Variants in SLC7A11 observed in about 807,000 individuals in gnomAD.
The protein encoded by SLC7A11 is solute carrier family 7 member 11.
A neutral mutation model predicts 54.5 loss-of-function variants in SLC7A11; 35 were observed. That is an observed-to-expected ratio of 0.64 (90% CI 0.49 to 0.85). SLC7A11 has a LOEUF of 0.85. Ranked by LOEUF, SLC7A11 falls within the 40% of genes least tolerant of loss-of-function variation. The pLI, the probability that SLC7A11 is intolerant of heterozygous loss-of-function variation, is 0.00. For missense variants in SLC7A11, 583 were observed against 618.1 expected (o/e 0.94, Z 0.60); for synonymous variants, 230 against 225.2 (o/e 1.02, Z -0.19).
At chr4:138,194,509 G>A (rs190246371) in intron 6 of SLC7A11, among the ~76,000 whole-genome samples, 36 of 152,158 alleles carry the variant, frequency 2.4e-4, no homozygotes, top group African/African-American at 7.9e-4. Flanking sequence ...GGGACTCTCT[G>A]CCCAAGGGAA....
Position 138,212,506 on chromosome 4 carries a change from GA to G in SLC7A11, c.791+2078del, listed in dbSNP as rs1161409113. Among the ~76,000 whole-genome samples, 300 of 136,590 alleles carry G rather than the reference GA, an allele frequency of 2.2e-3. 3 individuals are homozygous for G. Among genetic ancestry groups the G allele is most frequent in the Middle Eastern group, 7.4e-3 (2 of 272 alleles). 89.6% of individuals were successfully genotyped at this position (136,590 alleles called of 152,430 possible). A position where few individuals can be genotyped will look rare whatever the true frequency, so the allele number is the denominator to read the frequency against. ...TAGATAAGGGAATTTCTTTGCAACAGAAAAAAAAAAAACACTGAATCAATAC... is the reference window on the plus strand; with the variant it reads ...TAGATAAGGGAATTTCTTTGCAACAGAAAAAAAAAAACACTGAATCAATAC... On this transcript the variant is annotated intron_variant, in intron 6 of 11. Transcript: ENST00000280612.
rs1048079171 is a variant in SLC7A11 at position 138,168,477 on chromosome 4, G to A, written c.*3479C>T. 6.6e-6 allele frequency: 1 copy of A among 152,056 alleles called. No homozygotes were observed. The highest frequency in any genetic ancestry group is 2.4e-5 in the African/African-American group (1 of 41,390). 9.4% of individuals were successfully genotyped at this position (152,056 alleles called of 1,614,324 possible). A position where few individuals can be genotyped will look rare whatever the true frequency, so the allele number is the denominator to read the frequency against. The stretch of plus-strand genomic sequence containing the variant: ...CCCTTTCTTAGCAGTATATTCATCT[G>A]CAAATCAAGATAAAATAATGATTTT... On this transcript the variant is annotated 3_prime_UTR_variant, in exon 12 of 12. Coordinates refer to ENST00000280612, the MANE Select transcript of SLC7A11 (RefSeq NM_014331.4).
chr4:138,232,148 T>C (rs1738093455), intron 3 of SLC7A11, 119 bp downstream of exon 3: 2 of 735,510 alleles, frequency 2.7e-6, no homozygotes, highest in Admixed American at 2.1e-5. Flanking sequence ...TTTGGAACTG[T>C]AAGCAAAAAG....
rs1427090233 is a variant in SLC7A11 at position 138,168,707 on chromosome 4, G to A, written c.*3249C>T. The stretch of plus-strand genomic sequence containing the variant: ...TAACCTAATAAGCTGTCCAAATTTT[G>A]TGTCCACAGGGCTGAGGAGCTACAG... On this transcript the variant is annotated 3_prime_UTR_variant, in exon 12 of 12. Coordinates refer to ENST00000280612, the MANE Select transcript of SLC7A11 (RefSeq NM_014331.4). 6.6e-6 allele frequency: 1 copy of A among 152,120 alleles called. No individual in the cohort carries two copies. Among genetic ancestry groups the A allele is most frequent in the Non-Finnish European group, 1.5e-5 (1 of 68,022 alleles). 9.4% of individuals were successfully genotyped at this position (152,120 alleles called of 1,614,324 possible). A position where few individuals can be genotyped will look rare whatever the true frequency, so the allele number is the denominator to read the frequency against.
intron 5 of SLC7A11, among the ~76,000 whole-genome samples, chr4:138,216,489 C>T (rs1035526122): frequency 1.3e-5 from 2 of 152,114 alleles, no homozygotes; most frequent in Admixed American, 6.6e-5. Flanking sequence ...TTTCTCTGAA[C>T]GCAGACATTG....
chr4:138,202,100 A>AAT, intron 6 of SLC7A11, among the ~76,000 whole-genome samples: 1 of 152,204 alleles, frequency 6.6e-6, no homozygotes, highest in Non-Finnish European at 1.5e-5. Context: ...AAAAATAATG[A>AAT]ATCACATAAT....
At chr4:138,191,832 A>G (rs1737019515) in intron 6 of SLC7A11, among the ~76,000 whole-genome samples, 1 of 152,116 alleles carries the variant, frequency 6.6e-6, no homozygotes, top group African/African-American at 2.4e-5. Context: ...TTTGTCTTCC[A>G]GATACATTAC....
At chr4:138,181,322 A>G (rs368020059) in intron 9 of SLC7A11, among the ~76,000 whole-genome samples, 23 of 152,052 alleles carry the variant, frequency 1.5e-4, no homozygotes, top group African/African-American at 5.3e-4. Flanking sequence ...TTTCCTCCAC[A>G]TTTACTCTCC....
At chr4:138,211,285 G>C (rs1737541860) in intron 6 of SLC7A11, among the ~76,000 whole-genome samples, 1 of 151,668 alleles carries the variant, frequency 6.6e-6, no homozygotes, top group Non-Finnish European at 1.5e-5. Flanking sequence ...ACTACCTACT[G>C]GGTACTATGC....
intron 10 of SLC7A11, among the ~76,000 whole-genome samples, 171 bp downstream of exon 10, chr4:138,180,470 T>C (rs1263911573): frequency 6.6e-6 from 1 of 152,106 alleles, no homozygotes; most frequent in Non-Finnish European, 1.5e-5. Flanking sequence ...CCACTGTTTT[T>C]TTTCCAACTT....
intron 1 of SLC7A11, among the ~76,000 whole-genome samples, chr4:138,240,762 C>A (rs1738357120): frequency 1.3e-5 from 2 of 152,100 alleles, no homozygotes. Flanking sequence ...CAAAGAGCAA[C>A]TTTAAAGTAC....
rs533279350 is a variant in SLC7A11 at position 138,164,558 on chromosome 4, A to C, written c.*7398T>G. 1 of 152,312 alleles carries C rather than the reference A, an allele frequency of 6.6e-6. No homozygotes were observed. The highest frequency in any genetic ancestry group is 1.9e-4 in the East Asian group (1 of 5,184). 9.4% of individuals were successfully genotyped at this position (152,312 alleles called of 1,614,324 possible). On this transcript the variant is annotated 3_prime_UTR_variant, in exon 12 of 12. Coordinates refer to ENST00000280612, the MANE Select transcript of SLC7A11 (RefSeq NM_014331.4). ...CTGCACCATTTATATCTTCATAGAT[A>C]AATATCTTAGTTCTAATATGATTGG...
At position 138,171,691 on chromosome 4, in the gene SLC7A11, C is replaced by A. The variant is rs1016027615; in HGVS notation, c.*265G>T. 3 of 395,320 alleles carry A rather than the reference C, an allele frequency of 7.6e-6. No individual in the cohort carries two copies. Among genetic ancestry groups the A allele is most frequent in the African/African-American group, 4.3e-5 (2 of 46,796 alleles). 24.5% of individuals were successfully genotyped at this position (395,320 alleles called of 1,614,324 possible). On this transcript the variant is annotated 3_prime_UTR_variant, in exon 12 of 12. Transcript: ENST00000280612. The stretch of plus-strand genomic sequence containing the variant: ...CCACATAGTAATTGTCTAGTCTTTT[C>A]TCCTAACCCCAATAGGTAGGTATCA...
At chr4:138,236,957 C>T (rs1212841122) in intron 1 of SLC7A11, among the ~76,000 whole-genome samples, 1 of 150,148 alleles carries the variant, frequency 6.7e-6, no homozygotes, top group African/African-American at 2.4e-5. Flanking sequence ...TTTAGAAAAC[C>T]ATGGACTCTC....
At position 138,219,771 on chromosome 4, in the gene SLC7A11, A is replaced by C. The variant is rs6819425; in HGVS notation, c.647-406T>G. On this transcript the variant is annotated intron_variant, in intron 4 of 11. Transcript: ENST00000280612. ...GGCAAGAAAATGCGGAGAGGTATCC[A>C]AGGTTCTACCCTTAATGAGGAGATG... 9.9e-5 allele frequency among the ~76,000 whole-genome samples: 15 copies of C among 152,274 alleles called. No homozygotes were observed. In the South Asian group the frequency reaches 2.9e-3, roughly 29 times the overall value.
At chr4:138,199,500 A>G (rs1360765394) in intron 6 of SLC7A11, among the ~76,000 whole-genome samples, 1 of 152,136 alleles carries the variant, frequency 6.6e-6, no homozygotes, top group Non-Finnish European at 1.5e-5. Flanking sequence ...CCGTCATTTA[A>G]AAATAGAATA....
rs1009092111 is a variant in SLC7A11, at chr4:138,171,706, G to C, written c.*250C>G. The C allele has an allele frequency of 3.1e-5, 13 of 417,086 alleles. No homozygotes were observed. In the South Asian group the frequency reaches 4.2e-4, roughly 14 times the overall value. 25.8% of individuals were successfully genotyped at this position (417,086 alleles called of 1,614,324 possible). On this transcript the variant is annotated 3_prime_UTR_variant, in exon 12 of 12. Transcript: ENST00000280612. ...CTAGTCTTTTCTCCTAACCCCAATA[G>C]GTAGGTATCAGAGACTCAAGAATTG...
chr4:138,237,735 ATATTTTTTTTTTTTTTT>A (rs1437840274), intron 1 of SLC7A11, among the ~76,000 whole-genome samples: 16 of 9,212 alleles, frequency 1.7e-3, no homozygotes, highest in South Asian at 7.0e-3. Flanking sequence ...ATATATATAT[ATATTTTTTTTTTTTTTT>A]TTTTTTTTTT....
At position 138,242,025 on chromosome 4, in the gene SLC7A11, G is replaced by A; in HGVS notation, c.45C>T (p.Tyr15=). 1.2e-6 allele frequency: 2 copies of A among 1,614,092 alleles called. No homozygotes were observed. Among genetic ancestry groups the A allele is most frequent in the Non-Finnish European group, 1.7e-6 (2 of 1,179,966 alleles). The change falls in exon 1 of 12, where the codon TAC becomes TAT. Residue 15 remains tyrosine, a synonymous_variant. Transcript: ENST00000280612. ...GCCTCCCGTTAACATTTCCCTGCAG[G>A]TAACCTCCTTTGGAGATGGTGGACA... The part of the protein sequence containing the change: ...PVVSTISKGG[Y]LQGNVNGRLP...
Sources: gnomAD v4.1 joint callset for allele counts (sites outside exome capture counted in the v4.1 genomes callset) on GRCh38, gnomAD v4.1.1 for gene constraint, MANE v1.5 for transcripts, NCBI Gene and HGNC (gene_info 2026-07-23, HGNC 2026-07-21) for gene names.